The following CCDC80 variants were observed in gnomAD, a reference collection of about 807,000 sequenced individuals.
CCDC80 encodes coiled-coil domain containing 80.
In CCDC80, 49 loss-of-function variants were observed where a neutral mutation model predicts 78.7. The ratio of observed to expected loss-of-function variants is 0.62; its 90% CI spans 0.50 to 0.79. CCDC80 has a LOEUF of 0.79. Among genes scored for constraint, CCDC80 ranks in the 30% least tolerant of loss-of-function variants. CCDC80 has a pLI of 0.00. For synonymous variants in CCDC80, 488 were observed against 447.0 expected (o/e 1.09, Z -1.16); for missense variants, 1,205 against 1,198.6 (o/e 1.01, Z -0.08).
rs569499375 is a variant in CCDC80 at position 112,638,542 on chromosome 3, G to A, written c.1364C>T (p.Thr455Ile). The change falls in exon 2 of 8, where the codon ACA (threonine) becomes ATA (isoleucine). Residue 455 changes from threonine (T) to isoleucine (I), a missense_variant. By Grantham distance (89) the Thr-to-Ile change is moderately conservative. Transcript: ENST00000206423. ...APPTTISEPS[T>I]RAAGPGRFRD... ...GAAACGGCCTGGGCCAGCAGCCCTTGTGCTGGGTTCTGAGATGGTGGTGGG... is the reference window on the plus strand; with the variant it reads ...GAAACGGCCTGGGCCAGCAGCCCTTATGCTGGGTTCTGAGATGGTGGTGGG... The A allele has an allele frequency of 1.2e-6, 2 of 1,614,122 alleles. No individual in the cohort carries two copies. Among genetic ancestry groups the A allele is most frequent in the Admixed American group, 1.7e-5 (1 of 60,032 alleles).
Position 112,607,251 on chromosome 3 carries a change from G to A in CCDC80, c.2431C>T (p.Arg811Cys), listed in dbSNP as rs1489458675. ...LSGQACNFGL[R>C]HITILKLLGV... ...AAAAGCTTCAGAATGGTTATGTGGCGCAGACCTGAGAGAAAAAAGAAAACC... is the reference window on the plus strand; with the variant it reads ...AAAAGCTTCAGAATGGTTATGTGGCACAGACCTGAGAGAAAAAAGAAAACC... The change falls in exon 7 of 8, where the codon CGC becomes TGC. Residue 811 changes from arginine (R) to cysteine (C), a missense_variant. Physicochemically the swap from Arg to Cys is radical, Grantham distance 180 (BLOSUM62 -3). Transcript: ENST00000206423. 3.1e-6 allele frequency: 5 copies of A among 1,612,316 alleles called. No homozygotes were observed. The highest frequency in any genetic ancestry group is 3.4e-5 in the Admixed American group (2 of 59,664).
intron 7 of CCDC80, among the ~76,000 whole-genome samples, 159 bp from the exon 8 acceptor site, chr3:112,605,922 A>G (rs543968926): frequency 6.6e-6 from 1 of 152,340 alleles, no homozygotes; most frequent in Non-Finnish European, 1.5e-5. Flanking sequence ...GGCTTTTTCT[A>G]CTAGAAATTA....
intron 5 of CCDC80, 70 bp from the exon 6 acceptor site, chr3:112,610,151 G>C (rs529462099): frequency 1.3e-4 from 181 of 1,343,968 alleles, no homozygotes; most frequent in Non-Finnish European, 1.5e-4. Context: ...TAGGAAACCA[G>C]AGTGACTTAG....
chr3:112,637,556 CATG>C (rs1936231979), intron 2 of CCDC80, among the ~76,000 whole-genome samples: 1 of 152,206 alleles, frequency 6.6e-6, no homozygotes, highest in Non-Finnish European at 1.5e-5. Flanking sequence ...GTCCCATAGA[CATG>C]ATTCTAGTTC....
intron 4 of CCDC80, 111 bp downstream of exon 4, chr3:112,618,857 T>C: frequency 8.2e-7 from 1 of 1,220,544 alleles, no homozygotes; most frequent in Non-Finnish European, 1.1e-6. Context: ...AACTTTCCCA[T>C]TTATAAAATA....
rs921727417 is a variant in CCDC80, at chr3:112,604,653, G to A, written c.*764C>T. On this transcript the variant is annotated 3_prime_UTR_variant, in exon 8 of 8. Transcript: ENST00000206423. ...TCCATGGTATGCCTGTGCTGTACAG[G>A]GGGTAAAGTGTGAGGGGTCAAGAAT... The A allele has an allele frequency of 6.6e-6, 1 of 152,176 alleles. No homozygotes were observed. Among genetic ancestry groups the A allele is most frequent in the Non-Finnish European group, 1.5e-5 (1 of 68,084 alleles). The allele number at this position is 152,176 out of a possible 1,614,324, so 9.4% of individuals were successfully genotyped here. A position where few individuals can be genotyped will look rare whatever the true frequency, so the allele number is the denominator to read the frequency against.
chr3:112,637,747 A>G (rs2107496957), intron 2 of CCDC80, among the ~76,000 whole-genome samples: 1 of 152,308 alleles, frequency 6.6e-6, no homozygotes, highest in East Asian at 1.9e-4. Flanking sequence ...GTCTAGAGGA[A>G]GCTGACTACA....
intron 5 of CCDC80, among the ~76,000 whole-genome samples, chr3:112,612,531 A>G (rs920234513): frequency 1.3e-5 from 2 of 152,226 alleles, no homozygotes; most frequent in Non-Finnish European, 2.9e-5. Flanking sequence ...GAAACTTCCA[A>G]AAGATGTAAC....
In CCDC80 at chr3:112,638,069, C is replaced by A; in HGVS notation, c.1837G>T (p.Ala613Ser). 1 of 1,610,330 alleles carries A rather than the reference C, an allele frequency of 6.2e-7. No homozygotes were observed. Among genetic ancestry groups the A allele is most frequent in the Non-Finnish European group, 8.5e-7 (1 of 1,179,074 alleles). Residue 613 changes from alanine to serine, a missense_variant, in exon 2 of 8, where the codon GCC (alanine) becomes TCC (serine). By Grantham distance (99) the Ala-to-Ser change is moderately conservative (BLOSUM62 1). Coordinates refer to ENST00000206423, the MANE Select transcript of CCDC80 (RefSeq NM_199511.3). The stretch of plus-strand genomic sequence containing the variant: ...CCTTCAAAGGACCCCAGCAGGTCGG[C>A]CACTGACTTCTTGGGACTCTGCGTG... ...HFTQSPKKSV[A>S]DLLGSFEGKR...
At chr3:112,611,811 C>T (rs1002565851) in intron 5 of CCDC80, among the ~76,000 whole-genome samples, 2 of 152,200 alleles carry the variant, frequency 1.3e-5, no homozygotes, top group Admixed American at 1.3e-4. Flanking sequence ...GGTGCACTCA[C>T]AGAGCTGACA....
rs1420656250 is a variant in CCDC80, at chr3:112,640,416, C to A, written c.-101G>T. 6.3e-6 allele frequency: 1 copy of A among 158,504 alleles called. No individual in the cohort carries two copies. The highest frequency in any genetic ancestry group is 1.4e-5 in the Non-Finnish European group (1 of 71,834). 9.8% of individuals were successfully genotyped at this position (158,504 alleles called of 1,614,324 possible). ...CAGTTTCCTAGATGAACTACTTTTC[C>A]TCCCAGCCCTCTCTCTCTTTACCGA... is the stretch of plus-strand genomic sequence containing the variant. On this transcript the variant is annotated 5_prime_UTR_variant, in exon 1 of 8. It adds an upstream start codon to the 5' untranslated region. Transcript: ENST00000206423.
chr3:112,603,559 A>C lies in CCDC80; in HGVS notation c.*1858T>G, dbSNP rs1056625443. ...ATAATATATATTATATATTTTATAT[A>C]TGTATATAAAATATATATATAAATG... On this transcript the variant is annotated 3_prime_UTR_variant, in exon 8 of 8. Coordinates refer to ENST00000206423, the MANE Select transcript of CCDC80 (RefSeq NM_199511.3). 2 of 147,068 alleles carry C rather than the reference A, an allele frequency of 1.4e-5. No homozygotes were observed. Among genetic ancestry groups the C allele is most frequent in the Non-Finnish European group, 3.0e-5 (2 of 67,104 alleles). The allele number at this position is 147,068 out of a possible 1,614,324, so 9.1% of individuals were successfully genotyped here.
At chr3:112,616,443 AGAAAAG>A (rs1559876717) in intron 5 of CCDC80, among the ~76,000 whole-genome samples, 1 of 107,252 alleles carries the variant, frequency 9.3e-6, no homozygotes, top group Non-Finnish European at 2.0e-5. Context: ...AGAAAAAAAA[AGAAAAG>A]AAAAAAAAAA....
chr3:112,622,822 A>ATTTTTTTTTTTTTTTTTT (rs373170477), intron 3 of CCDC80, among the ~76,000 whole-genome samples: 7 of 118,892 alleles, frequency 5.9e-5, no homozygotes, highest in East Asian at 2.6e-4. Context: ...TGCCCAGCTA[A>ATTTTTTTTTTTTTTTTTT]TTTTTTTTTT....
chr3:112,624,025 T>G (rs1935917556), intron 3 of CCDC80, among the ~76,000 whole-genome samples: 1 of 152,190 alleles, frequency 6.6e-6, no homozygotes, highest in African/African-American at 2.4e-5. Context: ...GTTCCTAGCA[T>G]ACAACCCCAG....
Position 112,600,534 on chromosome 3 carries a change from C to T in CCDC80, c.*4883G>A, listed in dbSNP as rs1363517584. 1.5e-5 allele frequency: 2 copies of T among 133,350 alleles called. No homozygotes were observed. Among genetic ancestry groups the T allele is most frequent in the African/African-American group, 7.9e-5 (2 of 25,442 alleles). The allele number at this position is 133,350 out of a possible 1,614,324, so 8.3% of individuals were successfully genotyped here. Reference sequence around the variant, plus strand: ...GGGAGACAGGGTCTCACTTTGTCACCCAGGATGATGATGATGGAGTGCTGT... The same window carrying T: ...GGGAGACAGGGTCTCACTTTGTCACTCAGGATGATGATGATGGAGTGCTGT... On this transcript the variant is annotated 3_prime_UTR_variant, in exon 8 of 8. Transcript: ENST00000206423.
intron 3 of CCDC80, among the ~76,000 whole-genome samples, chr3:112,620,421 A>G (rs981173201): frequency 7.2e-5 from 11 of 152,180 alleles, no homozygotes; most frequent in African/African-American, 2.7e-4. Flanking sequence ...ATGCATATAA[A>G]CTATTTTTCA....
rs1252949362 is a variant in CCDC80, at chr3:112,598,814, C to T, written c.*6603G>A. ...TGCCAACCTGATGTCCTTGGAAGCT[C>T]CAGTCTGGCTGTAAGGAGATGATGA... On this transcript the variant is annotated 3_prime_UTR_variant, in exon 8 of 8. Coordinates refer to ENST00000206423, the MANE Select transcript of CCDC80 (RefSeq NM_199511.3). 1.3e-5 allele frequency: 2 copies of T among 152,196 alleles called. No homozygotes were observed. Among genetic ancestry groups the T allele is most frequent in the Admixed American group, 6.6e-5 (1 of 15,266 alleles). The allele number at this position is 152,196 out of a possible 1,614,324, so 9.4% of individuals were successfully genotyped here. A position where few individuals can be genotyped will look rare whatever the true frequency, so the allele number is the denominator to read the frequency against.
Position 112,608,625 on chromosome 3 carries a change from A to G in CCDC80, c.2425+1353T>C, listed in dbSNP as rs566718881. On this transcript the variant is annotated intron_variant, in intron 6 of 7. Coordinates refer to ENST00000206423, the MANE Select transcript of CCDC80 (RefSeq NM_199511.3). ...AAATTTAAAAACTGTGGCTTTATTT[A>G]TATTTTTCTTGTAAAGGTTCTTAAC... is the stretch of plus-strand genomic sequence containing the variant. Among the ~76,000 whole-genome samples the G allele has an allele frequency of 2.6e-5, 4 of 152,270 alleles. No individual in the cohort carries two copies. In the South Asian group the frequency reaches 8.3e-4, roughly 32 times the overall value.
Sources: allele counts gnomAD v4.1 joint callset (sites outside exome capture counted in the v4.1 genomes callset), GRCh38; gene constraint gnomAD v4.1.1; transcripts MANE v1.5; gene names NCBI Gene and HGNC (gene_info 2026-07-23, HGNC 2026-07-21).